The following NCAM2 variants were observed in gnomAD, a reference collection of about 807,000 sequenced individuals.
NCAM2 encodes N-CAM-2.
A neutral mutation model predicts 98.1 loss-of-function variants in NCAM2; 30 were observed. That is an observed-to-expected ratio of 0.31 (90% CI 0.23 to 0.41). The LOEUF is 0.41. NCAM2 is among the 10% of genes least tolerant of loss of function. The probability of loss-of-function intolerance (pLI) is 1.00; values close to 1 mark genes in which losing one functional copy is unlikely to be tolerated. For missense variants in NCAM2, 867 were observed against 1,005.8 expected (o/e 0.86, Z 1.87); for synonymous variants, 368 against 342.4 (o/e 1.07, Z -0.83).
chr21:21,508,808 C>CTTTTTTTTTTTATTTTTTTTTTTTT (rs1988157773), intron 15 of NCAM2, 43 bp from the exon 16 acceptor site: 1 of 404,442 alleles, frequency 2.5e-6, no homozygotes, highest in Non-Finnish European at 3.7e-6. Flanking sequence ...ACTTTTTTTC[C>CTTTTTTTTTTTATTTTTTTTTTTTT]TTTTTTTTTT....
intron 12 of NCAM2, among the ~76,000 whole-genome samples, chr21:21,435,965 G>A (rs1438516490): frequency 6.6e-6 from 1 of 152,126 alleles, no homozygotes; most frequent in Non-Finnish European, 1.5e-5. Context: ...AGTACCCAGG[G>A]AAAGAAGCTG....
chr21:21,005,149 A>C (rs116103692), intron 1 of NCAM2, among the ~76,000 whole-genome samples: 210 of 152,196 alleles, frequency 1.4e-3, no homozygotes, highest in African/African-American at 4.9e-3. Flanking sequence ...AGCTGGTTTG[A>C]CTCTAGTGTA....
chr21:21,039,112 T>C (rs1457832845), intron 1 of NCAM2, among the ~76,000 whole-genome samples: 1 of 152,180 alleles, frequency 6.6e-6, no homozygotes, highest in Admixed American at 6.5e-5. Context: ...AGAAAGTACA[T>C]GTAACAGGCC....
At chr21:21,116,303 A>G (rs1341480453) in intron 1 of NCAM2, among the ~76,000 whole-genome samples, 2 of 152,144 alleles carry the variant, frequency 1.3e-5, no homozygotes, top group East Asian at 3.9e-4. Flanking sequence ...ATACTTGACT[A>G]CTACACATTG....
At chr21:21,496,790 TA>T (rs1291520747) in intron 15 of NCAM2, among the ~76,000 whole-genome samples, 1 of 152,108 alleles carries the variant, frequency 6.6e-6, no homozygotes, top group African/African-American at 2.4e-5. Flanking sequence ...AAGTTTTGTA[TA>T]TGGTGAAAGG....
intron 9 of NCAM2, among the ~76,000 whole-genome samples, chr21:21,384,602 C>T (rs1332511401): frequency 6.6e-6 from 1 of 151,874 alleles, no homozygotes; most frequent in Non-Finnish European, 1.5e-5. Context: ...TACTGACTTG[C>T]TCATATATTT....
chr21:21,141,623 T>C (rs1380379709), intron 1 of NCAM2, among the ~76,000 whole-genome samples: 1 of 152,204 alleles, frequency 6.6e-6, no homozygotes, highest in Non-Finnish European at 1.5e-5. Flanking sequence ...ATAGATTTCA[T>C]TCCACTCAAG....
At chr21:21,133,648 T>C (rs2066981879) in intron 1 of NCAM2, among the ~76,000 whole-genome samples, 1 of 152,082 alleles carries the variant, frequency 6.6e-6, no homozygotes, top group Non-Finnish European at 1.5e-5. Context: ...ATGGAGTCAA[T>C]CCAAAAAAGA....
chr21:21,256,228 C>T (rs948765715), intron 1 of NCAM2, among the ~76,000 whole-genome samples: 1 of 151,838 alleles, frequency 6.6e-6, no homozygotes, highest in South Asian at 2.1e-4. Flanking sequence ...TGGTGGTGGG[C>T]GCCTGTAATC....
intron 1 of NCAM2, among the ~76,000 whole-genome samples, chr21:21,079,175 A>C (rs1817372317): frequency 6.6e-6 from 1 of 152,100 alleles, no homozygotes; most frequent in Non-Finnish European, 1.5e-5. Flanking sequence ...TGTTCTGGAC[A>C]TGTATCCCGG....
chr21:21,434,273 G>A lies in NCAM2; in HGVS notation c.1654+1992G>A, dbSNP rs906832583. Among the ~76,000 whole-genome samples, 8 of 152,180 alleles carry A rather than the reference G, an allele frequency of 5.3e-5. No individual in the cohort carries two copies. The South Asian group carries it at 1.7e-3, about 32-fold the overall frequency. On this transcript the variant is annotated intron_variant, in intron 12 of 17. Transcript: ENST00000400546. ...TATATTATGAAGATACAAAATGAGA[G>A]TCAGAAACTTGTTTGGTGAGTCTAG...
intron 1 of NCAM2, among the ~76,000 whole-genome samples, chr21:21,166,661 A>G (rs2067962445): frequency 6.6e-6 from 1 of 152,140 alleles, no homozygotes; most frequent in Admixed American, 6.5e-5. Flanking sequence ...AAAGTTACTT[A>G]CTTTTAATAT....
intron 7 of NCAM2, 43 bp downstream of exon 7, chr21:21,335,708 G>A: frequency 7.1e-7 from 1 of 1,413,126 alleles, no homozygotes; most frequent in East Asian, 2.6e-5. Context: ...ATGTCTATTG[G>A]AAGATCAGAG....
intron 5 of NCAM2, among the ~76,000 whole-genome samples, chr21:21,308,889 A>G (rs979636315): frequency 2.7e-5 from 4 of 150,726 alleles, no homozygotes; most frequent in Admixed American, 6.6e-5. Context: ...CTCTTATTAC[A>G]TGTTCTAGTT....
At chr21:21,277,422 G>T (rs2072768214) in intron 1 of NCAM2, among the ~76,000 whole-genome samples, 2 of 152,064 alleles carry the variant, frequency 1.3e-5, no homozygotes, top group Admixed American at 6.6e-5. Context: ...CCATAGATGG[G>T]TCTATCACAC....
At chr21:21,327,643 A>G (rs1371280617) in intron 6 of NCAM2, among the ~76,000 whole-genome samples, 1 of 152,178 alleles carries the variant, frequency 6.6e-6, no homozygotes, top group Non-Finnish European at 1.5e-5. Context: ...CAATACAGTT[A>G]CTAAAACTTC....
At chr21:21,530,046 T>G (rs1989539704) in intron 16 of NCAM2, among the ~76,000 whole-genome samples, 1 of 145,934 alleles carries the variant, frequency 6.9e-6, no homozygotes, top group Non-Finnish European at 1.5e-5. Flanking sequence ...TATATTTAAT[T>G]AAATAAAAAT....
In NCAM2 at chr21:21,503,158, C is replaced by A. The variant is rs572905302; in HGVS notation, c.2078-5693C>A. Reference sequence around the variant, plus strand: ...TACATTCCAAAACTCTCAGTGGATGCCTGAAACCTTTGATCGTACTTAACC... The same window carrying A: ...TACATTCCAAAACTCTCAGTGGATGACTGAAACCTTTGATCGTACTTAACC... On this transcript the variant is annotated intron_variant, in intron 15 of 17. Coordinates refer to ENST00000400546, the MANE Select transcript of NCAM2 (RefSeq NM_004540.5). Among the ~76,000 whole-genome samples, 32 of 151,900 alleles carry A rather than the reference C, an allele frequency of 2.1e-4. 1 individual carries two copies. The highest frequency in any genetic ancestry group is 4.4e-4 in the Non-Finnish European group (30 of 67,860).
intron 1 of NCAM2, among the ~76,000 whole-genome samples, chr21:21,236,786 GCA>G (rs2070848673): frequency 1.4e-5 from 2 of 145,250 alleles, no homozygotes; most frequent in African/African-American, 2.5e-5. Flanking sequence ...GTGTGTGTGT[GCA>G]TGCACACGTG....
Sources: gnomAD v4.1 joint callset for allele counts (sites outside exome capture counted in the v4.1 genomes callset) on GRCh38, gnomAD v4.1.1 for gene constraint, MANE v1.5 for transcripts, NCBI Gene and HGNC (gene_info 2026-07-23, HGNC 2026-07-21) for gene names.